The following GPR39 variants were observed in gnomAD, a reference collection of about 807,000 sequenced individuals.
GPR39 encodes the protein zinc sensing receptor.
A neutral mutation model predicts 18.4 loss-of-function variants in GPR39; 23 were observed. The ratio of observed to expected loss-of-function variants is 1.25; its 90% CI spans 0.90 to 1.77. The LOEUF (loss-of-function observed/expected upper bound fraction) is 1.77. Among genes scored for constraint, GPR39 ranks in the 40% most tolerant of loss-of-function variants. The pLI is 0.00. For missense variants in GPR39, 647 were observed against 602.4 expected (o/e 1.07, Z -0.78); for synonymous variants, 280 against 257.9 (o/e 1.09, Z -0.82).
At position 132,492,003 on chromosome 2, in the gene GPR39, T is replaced by TTA. The variant is rs547782847; in HGVS notation, c.856+74116_856+74117dup. Among the ~76,000 whole-genome samples, 597 of 151,034 alleles carry TTA rather than the reference T, an allele frequency of 4.0e-3. 2 individuals carry two copies. Among genetic ancestry groups the TTA allele is most frequent in the Non-Finnish European group, 6.4e-3 (436 of 67,668 alleles). On this transcript the variant is annotated intron_variant, in intron 1 of 1. Transcript: ENST00000329321. ...TTATTAATTTTCATTGATAAAGTAA[T>TTA]TATATATATATACACAGCACATATA...
At chr2:132,496,736 C>T (rs1013718218) in intron 1 of GPR39, among the ~76,000 whole-genome samples, 1 of 152,208 alleles carries the variant, frequency 6.6e-6, no homozygotes, top group African/African-American at 2.4e-5. Context: ...CCCCATGTGG[C>T]TGGGCTGCCT....
chr2:132,549,335 C>T (rs890718088), intron 1 of GPR39, among the ~76,000 whole-genome samples: 9 of 152,270 alleles, frequency 5.9e-5, no homozygotes, highest in African/African-American at 2.2e-4. Context: ...TCTACTGTGT[C>T]GATTAAGGCT....
At chr2:132,540,317 C>T (rs6707776) in intron 1 of GPR39, among the ~76,000 whole-genome samples, 19,118 of 152,118 alleles carry the variant, frequency 0.13, 2,089 homozygotes, top group East Asian at 0.59. Context: ...CCCCAGGGTT[C>T]TGCTGCAGCA....
intron 1 of GPR39, among the ~76,000 whole-genome samples, chr2:132,449,289 G>T: frequency 6.6e-6 from 1 of 151,820 alleles, no homozygotes; most frequent in Non-Finnish European, 1.5e-5. Flanking sequence ...GCTCTGTCAC[G>T]CAGGCTGGAG....
intron 1 of GPR39, among the ~76,000 whole-genome samples, chr2:132,542,334 G>T (rs1379886203): frequency 1.3e-5 from 2 of 152,212 alleles, no homozygotes; most frequent in Non-Finnish European, 1.5e-5. Flanking sequence ...TGCCATGTCA[G>T]ATGGCCATTG....
At chr2:132,531,582 T>A (rs1679632124) in intron 1 of GPR39, among the ~76,000 whole-genome samples, 1 of 152,092 alleles carries the variant, frequency 6.6e-6, no homozygotes, top group African/African-American at 2.4e-5. Context: ...ATTCCAAAAT[T>A]GACCACGTAG....
chr2:132,446,083 G>C (rs989093910), intron 1 of GPR39, among the ~76,000 whole-genome samples: 6 of 152,168 alleles, frequency 3.9e-5, no homozygotes, highest in Admixed American at 6.5e-5. Flanking sequence ...AACAGAGAAA[G>C]AACTAGTTAG....
At chr2:132,505,592 ACT>A (rs1679120907) in intron 1 of GPR39, among the ~76,000 whole-genome samples, 1 of 151,892 alleles carries the variant, frequency 6.6e-6, no homozygotes, top group Admixed American at 6.6e-5. Flanking sequence ...CTATCATTCT[ACT>A]CTCTACATTC....
intron 1 of GPR39, among the ~76,000 whole-genome samples, chr2:132,496,738 G>C (rs985042776): frequency 2.0e-5 from 3 of 152,166 alleles, no homozygotes; most frequent in African/African-American, 7.2e-5. Context: ...CCATGTGGCT[G>C]GGCTGCCTGT....
chr2:132,447,337 A>C, intron 1 of GPR39, among the ~76,000 whole-genome samples: 1 of 152,338 alleles, frequency 6.6e-6, no homozygotes, highest in East Asian at 1.9e-4. Context: ...ATAGAAACCA[A>C]ATCTAAGTGG....
At chr2:132,424,550 G>A (rs1478394392) in intron 1 of GPR39, among the ~76,000 whole-genome samples, 2 of 152,168 alleles carry the variant, frequency 1.3e-5, no homozygotes, top group Non-Finnish European at 2.9e-5. Flanking sequence ...GGATGAAAAA[G>A]GATTGCCTAA....
chr2:132,547,162 T>TA (rs1679965293), intron 1 of GPR39, among the ~76,000 whole-genome samples: 1 of 152,186 alleles, frequency 6.6e-6, no homozygotes. Flanking sequence ...AATGGTCTCC[T>TA]AACAGAGTCC....
intron 1 of GPR39, among the ~76,000 whole-genome samples, chr2:132,515,897 G>A (rs115223509): frequency 0.05 from 7,609 of 152,166 alleles, 271 homozygotes; most frequent in Middle Eastern, 0.088. Context: ...ATGACTGTCC[G>A]TAAAAATACA....
intron 1 of GPR39, among the ~76,000 whole-genome samples, chr2:132,422,935 G>A (rs1021941368): frequency 3.3e-5 from 5 of 151,954 alleles, no homozygotes; most frequent in African/African-American, 1.2e-4. Context: ...TAATAAGAGA[G>A]GCCTCAGTTG....
intron 1 of GPR39, among the ~76,000 whole-genome samples, chr2:132,634,683 G>A (rs1173232275): frequency 2.0e-5 from 3 of 152,146 alleles, no homozygotes; most frequent in Admixed American, 6.5e-5. Flanking sequence ...TTTGGCAGCA[G>A]ACCCCAGCCT....
chr2:132,609,541 C>G (rs1205593701), intron 1 of GPR39, among the ~76,000 whole-genome samples: 1 of 152,162 alleles, frequency 6.6e-6, no homozygotes, highest in African/African-American at 2.4e-5. Context: ...TTCTAGATGG[C>G]TTCCTAGGCA....
intron 1 of GPR39, among the ~76,000 whole-genome samples, chr2:132,456,665 T>A (rs7600537): frequency 2.0e-5 from 3 of 152,020 alleles, no homozygotes; most frequent in African/African-American, 7.3e-5. Context: ...CTCTTGTAAG[T>A]CAGGCCTTGT....
At chr2:132,493,132 T>C (rs189721771) in intron 1 of GPR39, among the ~76,000 whole-genome samples, 3 of 143,172 alleles carry the variant, frequency 2.1e-5, no homozygotes, top group Non-Finnish European at 3.0e-5. Flanking sequence ...TCCATATATA[T>C]ACCATATATA....
intron 1 of GPR39, among the ~76,000 whole-genome samples, chr2:132,502,010 T>C (rs534516181): frequency 1.4e-4 from 21 of 152,316 alleles, no homozygotes; most frequent in Non-Finnish European, 2.6e-4. Context: ...AGAAACTTGC[T>C]TGGTGAATTC....
Sources: allele counts gnomAD v4.1 joint callset (sites outside exome capture counted in the v4.1 genomes callset), GRCh38; gene constraint gnomAD v4.1.1; transcripts MANE v1.5; gene names NCBI Gene and HGNC (gene_info 2026-07-23, HGNC 2026-07-21).